The following RBFOX1 variants were observed in gnomAD, a reference collection of about 807,000 sequenced individuals.
RBFOX1 encodes the protein RNA binding protein fox-1 homolog 1.
A neutral mutation model predicts 57.7 loss-of-function variants in RBFOX1; 8 were observed. That is an observed-to-expected ratio of 0.14 (90% CI 0.08 to 0.25). RBFOX1 has a LOEUF of 0.25. Among genes scored for constraint, RBFOX1 ranks in the 10% least tolerant of loss-of-function variants. RBFOX1 has a pLI of 1.00. For synonymous variants in RBFOX1, 326 were observed against 222.4 expected, an observed-to-expected ratio of 1.47 and a Z score of -4.15; for missense variants, 611 against 548.5, an observed-to-expected ratio of 1.11 and a Z score of -1.14.
At chr16:7,090,604 G>T (rs1366030971) in intron 4 of RBFOX1, among the ~76,000 whole-genome samples, 1 of 152,080 alleles carries the variant, frequency 6.6e-6, no homozygotes, top group African/African-American at 2.4e-5. Context: ...CTTTAAGAAG[G>T]TTTTCCTATC....
At chr16:6,688,213 G>C (rs1009494011) in intron 3 of RBFOX1, among the ~76,000 whole-genome samples, 4 of 151,870 alleles carry the variant, frequency 2.6e-5, no homozygotes, top group Admixed American at 2.6e-4. Flanking sequence ...GCGTGTCTTA[G>C]GTGGCTAGAG....
At chr16:6,486,262 G>C (rs886899440) in intron 2 of RBFOX1, among the ~76,000 whole-genome samples, 4 of 151,812 alleles carry the variant, frequency 2.6e-5, no homozygotes, top group Admixed American at 1.3e-4. Context: ...CAACCTGCTT[G>C]AATGGGCCAA....
intron 3 of RBFOX1, among the ~76,000 whole-genome samples, chr16:5,624,876 G>A (rs1328540306): frequency 1.3e-5 from 2 of 152,112 alleles, no homozygotes; most frequent in Non-Finnish European, 2.9e-5. Context: ...GAGATGAGAG[G>A]GGCTGTTTGA....
chr16:6,430,616 G>T (rs914400989), intron 2 of RBFOX1, among the ~76,000 whole-genome samples: 1 of 152,174 alleles, frequency 6.6e-6, no homozygotes, highest in Non-Finnish European at 1.5e-5. Context: ...GACGGGTGGA[G>T]AGTAAGGCCA....
chr16:6,688,811 T>G (rs1198985699), intron 3 of RBFOX1, among the ~76,000 whole-genome samples: 1 of 152,066 alleles, frequency 6.6e-6, no homozygotes, highest in South Asian at 2.1e-4. Context: ...CGACAGGCCC[T>G]GGTGTGTGAT....
intron 4 of RBFOX1, among the ~76,000 whole-genome samples, chr16:5,976,390 A>G (rs570981588): frequency 1.3e-5 from 2 of 152,270 alleles, no homozygotes; most frequent in African/African-American, 2.4e-5. Context: ...TGTAGAGAAG[A>G]GCGGAATAAA....
chr16:5,657,765 C>T (rs1372237263), intron 3 of RBFOX1, among the ~76,000 whole-genome samples: 1 of 125,530 alleles, frequency 8.0e-6, no homozygotes, highest in African/African-American at 2.9e-5. Flanking sequence ...CAGAATCTCA[C>T]TCTGTCACCC....
chr16:7,395,338 C>T (rs1187095079), intron 4 of RBFOX1, among the ~76,000 whole-genome samples: 2 of 152,214 alleles, frequency 1.3e-5, no homozygotes, highest in African/African-American at 4.8e-5. Context: ...AGAAACTCAG[C>T]AGATGATTGA....
At chr16:6,846,460 C>G (rs1376313996) in intron 3 of RBFOX1, among the ~76,000 whole-genome samples, 2 of 152,068 alleles carry the variant, frequency 1.3e-5, no homozygotes, top group African/African-American at 4.8e-5. Flanking sequence ...TAAGAAGACA[C>G]CTGGGTCATA....
intron 5 of RBFOX1, among the ~76,000 whole-genome samples, chr16:7,528,628 C>G (rs1376036165): frequency 1.3e-5 from 2 of 152,160 alleles, no homozygotes; most frequent in African/African-American, 4.8e-5. Context: ...TAGCTCAGTA[C>G]TGCCTCCTGA....
intron 3 of RBFOX1, among the ~76,000 whole-genome samples, chr16:6,765,613 G>C (rs760991923): frequency 1.9e-4 from 29 of 152,102 alleles, no homozygotes; most frequent in Middle Eastern, 3.2e-3. Flanking sequence ...AGTAAAAGTA[G>C]GTCTACCATT....
intron 4 of RBFOX1, among the ~76,000 whole-genome samples, chr16:7,272,266 C>A (rs180780475): frequency 2.0e-5 from 3 of 152,278 alleles, no homozygotes; most frequent in African/African-American, 7.2e-5. Context: ...CTCACTGCAA[C>A]CTCCACCTCC....
At chr16:7,307,023 T>A (rs942918827) in intron 4 of RBFOX1, among the ~76,000 whole-genome samples, 23 of 152,246 alleles carry the variant, frequency 1.5e-4, no homozygotes, top group Admixed American at 9.8e-4. Flanking sequence ...AGGCAACATT[T>A]ATGATAAGTA....
At chr16:6,288,406 G>A (rs1198561503) in intron 1 of RBFOX1, among the ~76,000 whole-genome samples, 1 of 152,172 alleles carries the variant, frequency 6.6e-6, no homozygotes, top group African/African-American at 2.4e-5. Context: ...CTGCTGAACT[G>A]CAAGTGATGG....
At chr16:5,270,601 CA>C in intron 1 of RBFOX1, 2 of 578,698 alleles carry the variant, frequency 3.5e-6, no homozygotes, top group Admixed American at 2.2e-5. Context: ...TTGGTTTTAC[CA>C]AAAAACGCAA....
At chr16:5,806,218 A>G (rs2055221664) in intron 3 of RBFOX1, among the ~76,000 whole-genome samples, 1 of 152,304 alleles carries the variant, frequency 6.6e-6, no homozygotes, top group African/African-American at 2.4e-5. Context: ...TTGTGCAGTT[A>G]TAACAAAATG....
chr16:6,105,799 C>G (rs67927317), intron 1 of RBFOX1, among the ~76,000 whole-genome samples: 34 of 152,040 alleles, frequency 2.2e-4, no homozygotes, highest in African/African-American at 8.2e-4. Context: ...TATGTGAGAA[C>G]TCAGGCACTT....
chr16:5,296,710 G>A (rs1370592032), intron 1 of RBFOX1, among the ~76,000 whole-genome samples: 5 of 146,224 alleles, frequency 3.4e-5, no homozygotes, highest in African/African-American at 7.7e-5. Flanking sequence ...ATGGAGTGTC[G>A]CTCCGTCATC....
chr16:6,056,749 AT>A (rs2095619236), intron 1 of RBFOX1, among the ~76,000 whole-genome samples: 1 of 152,170 alleles, frequency 6.6e-6, no homozygotes, highest in Non-Finnish European at 1.5e-5. Context: ...GAGGTACATT[AT>A]GAAATCACAC....
Sources: gnomAD v4.1 joint callset for allele counts (sites outside exome capture counted in the v4.1 genomes callset) on GRCh38, gnomAD v4.1.1 for gene constraint, MANE v1.5 for transcripts, NCBI Gene and HGNC (gene_info 2026-07-23, HGNC 2026-07-21) for gene names.